CNTN4: variants seen among roughly 807,000 people sequenced by gnomAD.
CNTN4 encodes contactin-4.
Under a neutral mutation model 122.5 loss-of-function variants are expected in CNTN4, and 77 were observed. The observed-to-expected ratio is 0.63, with a 90% CI of 0.52 to 0.76. The LOEUF is 0.76. Among genes scored for constraint, CNTN4 ranks in the 30% least tolerant of loss-of-function variants. CNTN4 has a pLI of 0.00. For missense variants in CNTN4, 1,256 were observed against 1,259.1 expected, an observed-to-expected ratio of 1.00 and a Z score of 0.04; for synonymous variants, 512 against 447.0, an observed-to-expected ratio of 1.15 and a Z score of -1.83.
At chr3:2,271,986 A>C (rs1361736971) in intron 2 of CNTN4, among the ~76,000 whole-genome samples, 2 of 152,206 alleles carry the variant, frequency 1.3e-5, no homozygotes, top group Non-Finnish European at 2.9e-5. Flanking sequence ...TGTTCACAAG[A>C]TGTTAAGTAA....
intron 3 of CNTN4, among the ~76,000 whole-genome samples, chr3:2,539,421 C>T (rs190207249): frequency 1.6e-4 from 25 of 152,116 alleles, no homozygotes; most frequent in South Asian, 6.2e-4. Context: ...TCTTTTGAGA[C>T]GTGTTTTGGA....
chr3:2,378,887 G>A (rs1450523317), intron 3 of CNTN4, among the ~76,000 whole-genome samples: 1 of 152,044 alleles, frequency 6.6e-6, no homozygotes, highest in African/African-American at 2.4e-5. Flanking sequence ...GGTATTAGAG[G>A]AATGTAATAC....
At chr3:2,627,752 C>T (rs535329296) in intron 4 of CNTN4, among the ~76,000 whole-genome samples, 1 of 152,096 alleles carries the variant, frequency 6.6e-6, no homozygotes, top group Non-Finnish European at 1.5e-5. Context: ...CTCGGCCTCC[C>T]AAAGTGCTGG....
At chr3:2,985,141 A>C (rs1694429425) in intron 13 of CNTN4, 1 of 152,108 alleles carries the variant, frequency 6.6e-6, no homozygotes, top group Non-Finnish European at 1.5e-5. Context: ...TTATTTTTTT[A>C]ATTGTAGATT....
rs370252801 is a variant in CNTN4, at chr3:2,433,462, A to AT, written c.-89+94236dup. Among the ~76,000 whole-genome samples, 706 of 149,706 alleles carry AT rather than the reference A, an allele frequency of 4.7e-3. 6 individuals carry two copies. Among genetic ancestry groups the AT allele is most frequent in the African/African-American group, 0.016 (661 of 41,408 alleles). On this transcript the variant is annotated intron_variant, in intron 3 of 24. Transcript: ENST00000418658. The stretch of plus-strand genomic sequence containing the variant: ...AGAGAAGTGTCTATTTAGGTGGCTC[A>AT]TTTTTTTATTAGGTTATTTGTGGGT...
intron 13 of CNTN4, among the ~76,000 whole-genome samples, chr3:2,946,126 C>T (rs1439880594): frequency 6.6e-6 from 1 of 152,032 alleles, no homozygotes; most frequent in East Asian, 1.9e-4. Flanking sequence ...CAGTTGAAAA[C>T]TCTGGTTTTC....
intron 5 of CNTN4, among the ~76,000 whole-genome samples, chr3:2,736,884 A>G (rs2089148911): frequency 6.6e-6 from 1 of 151,960 alleles, no homozygotes. Flanking sequence ...CCCAGGTTCA[A>G]GTGATTCTCC....
chr3:2,152,744 G>A (rs1485523370), intron 2 of CNTN4, among the ~76,000 whole-genome samples: 1 of 152,182 alleles, frequency 6.6e-6, no homozygotes, highest in Non-Finnish European at 1.5e-5. Flanking sequence ...GCCTTCCTGA[G>A]TTAGGCTTGG....
chr3:2,568,916 T>C (rs529531578), intron 3 of CNTN4, among the ~76,000 whole-genome samples: 1 of 152,356 alleles, frequency 6.6e-6, no homozygotes. Flanking sequence ...TTTTAATTGC[T>C]TCCAGAAACT....
intron 14 of CNTN4, among the ~76,000 whole-genome samples, chr3:3,024,680 G>T (rs113389588): frequency 6.6e-6 from 1 of 151,982 alleles, no homozygotes; most frequent in East Asian, 1.9e-4. Context: ...TTAGAACAGA[G>T]ATTTCCCTTT....
chr3:2,660,064 C>G (rs893147222), intron 4 of CNTN4, among the ~76,000 whole-genome samples: 1 of 152,152 alleles, frequency 6.6e-6, no homozygotes, highest in African/African-American at 2.4e-5. Context: ...TTCCTCCCAG[C>G]CACAGAAATT....
At chr3:2,759,511 C>G (rs1054176763) in intron 6 of CNTN4, among the ~76,000 whole-genome samples, 3 of 152,132 alleles carry the variant, frequency 2.0e-5, no homozygotes, top group Non-Finnish European at 4.4e-5. Context: ...ATTATATTTA[C>G]CCATTCATCA....
chr3:2,885,048 G>T (rs1044706932), intron 9 of CNTN4, among the ~76,000 whole-genome samples: 10 of 152,166 alleles, frequency 6.6e-5, no homozygotes, highest in African/African-American at 2.4e-4. Flanking sequence ...GTTAGTGTCT[G>T]TCTAACGAAC....
intron 6 of CNTN4, among the ~76,000 whole-genome samples, chr3:2,776,457 T>C (rs912902593): frequency 6.6e-6 from 1 of 152,058 alleles, no homozygotes; most frequent in Non-Finnish European, 1.5e-5. Flanking sequence ...GGAAATAAGG[T>C]AGGAAATTAA....
rs141445470 is a variant in CNTN4 at position 2,757,023 on chromosome 3, A to C, written c.358+11326A>C. ...CCACTTTGATCAATTTTTTAAAAAAATCTTTGAATGAGATCAAAATCAGGT... is the reference window on the plus strand; with the variant it reads ...CCACTTTGATCAATTTTTTAAAAAACTCTTTGAATGAGATCAAAATCAGGT... On this transcript the variant is annotated intron_variant, in intron 6 of 24. Transcript: ENST00000418658. Among the ~76,000 whole-genome samples the C allele has an allele frequency of 2.0e-4, 30 of 152,286 alleles. No individual in the cohort carries two copies. The East Asian group carries it at 5.2e-3, about 26-fold the overall frequency.
intron 6 of CNTN4, among the ~76,000 whole-genome samples, chr3:2,805,223 C>G (rs12638849): frequency 0.12 from 18,681 of 152,096 alleles, 1,504 homozygotes; most frequent in East Asian, 0.41. Context: ...ATCCTGATCA[C>G]TGTTGCTTCA....
chr3:2,980,495 C>T (rs141187009), intron 13 of CNTN4, among the ~76,000 whole-genome samples: 91 of 152,234 alleles, frequency 6.0e-4, no homozygotes, highest in African/African-American at 2.1e-3. Context: ...ACAAGTCAGT[C>T]AGTAGTCTAA....
At chr3:2,610,433 T>A (rs2081430594) in intron 4 of CNTN4, among the ~76,000 whole-genome samples, 1 of 152,226 alleles carries the variant, frequency 6.6e-6, no homozygotes, top group Non-Finnish European at 1.5e-5. Context: ...CGTGGCCTTC[T>A]AAAATGATTC....
At chr3:2,661,514 T>TA (rs11337004) in intron 4 of CNTN4, among the ~76,000 whole-genome samples, 17 of 147,896 alleles carry the variant, frequency 1.1e-4, no homozygotes, top group East Asian at 9.9e-4. Flanking sequence ...AATTTTTGTT[T>TA]AAAAAAAAAA....
Sources: allele counts gnomAD v4.1 joint callset (sites outside exome capture counted in the v4.1 genomes callset), GRCh38; gene constraint gnomAD v4.1.1; transcripts MANE v1.5; gene names NCBI Gene and HGNC (gene_info 2026-07-23, HGNC 2026-07-21).